GADL1: variants seen among roughly 807,000 people sequenced by gnomAD.
GADL1 encodes GAD like acidic amino acid decarboxylase 1.
In GADL1, 71 loss-of-function variants were observed where a neutral mutation model predicts 69.5. The ratio of observed to expected loss-of-function variants is 1.02; its 90% CI spans 0.84 to 1.25. GADL1 has a LOEUF of 1.25. Ranked by LOEUF, GADL1 falls within the 50% of genes most tolerant of loss-of-function variation. The pLI, the probability that GADL1 is intolerant of heterozygous loss-of-function variation, is 0.00. For missense variants in GADL1, 737 were observed against 631.8 expected (o/e 1.17, Z -1.79); for synonymous variants, 254 against 214.4 (o/e 1.18, Z -1.62).
intron 12 of GADL1, chr3:30,799,154 T>G (rs974794978): frequency 6.6e-6 from 1 of 152,206 alleles, no homozygotes; most frequent in African/African-American, 2.4e-5. Context: ...GGACTCTGTG[T>G]GGGGGCTCTG....
chr3:30,783,666 C>G (rs908243442), intron 13 of GADL1, among the ~76,000 whole-genome samples: 3 of 152,068 alleles, frequency 2.0e-5, no homozygotes, highest in African/African-American at 7.2e-5. Context: ...GCGGCAAATG[C>G]AGATCACATA....
intron 11 of GADL1, among the ~76,000 whole-genome samples, chr3:30,812,208 G>A (rs1160828527): frequency 6.6e-6 from 1 of 152,014 alleles, no homozygotes; most frequent in Non-Finnish European, 1.5e-5. Flanking sequence ...ATCAGTGGAA[G>A]GAAAAAAAGA....
intron 12 of GADL1, among the ~76,000 whole-genome samples, chr3:30,793,121 A>G (rs1016477480): frequency 1.3e-5 from 2 of 152,144 alleles, no homozygotes; most frequent in African/African-American, 4.8e-5. Context: ...GACACATTTA[A>G]CCATGGAACT....
intron 14 of GADL1, among the ~76,000 whole-genome samples, chr3:30,741,041 T>C (rs1321483170): frequency 1.5e-4 from 18 of 116,592 alleles, no homozygotes; most frequent in Admixed American, 1.4e-3. Context: ...ATAATATATA[T>C]TTGATATATC....
chr3:30,820,288 A>G (rs1697548623), intron 11 of GADL1, among the ~76,000 whole-genome samples: 1 of 152,058 alleles, frequency 6.6e-6, no homozygotes, highest in African/African-American at 2.4e-5. Flanking sequence ...TAAAGAATGT[A>G]TAACTTAGGG....
chr3:30,750,618 G>A (rs919896683), intron 14 of GADL1, among the ~76,000 whole-genome samples: 4 of 147,952 alleles, frequency 2.7e-5, no homozygotes, highest in African/African-American at 5.0e-5. Flanking sequence ...AAAAATTTCC[G>A]TCTATCCCTT....
chr3:30,729,905 A>C (rs113585270), intron 14 of GADL1, among the ~76,000 whole-genome samples: 3 of 152,332 alleles, frequency 2.0e-5, no homozygotes, highest in African/African-American at 7.2e-5. Flanking sequence ...TTCTAGCAAA[A>C]AACTGGAAGT....
intron 1 of GADL1, among the ~76,000 whole-genome samples, chr3:30,865,156 A>G (rs1328255204): frequency 5.9e-5 from 9 of 151,938 alleles, no homozygotes; most frequent in Middle Eastern, 3.4e-3. Flanking sequence ...CTTTCCTTAA[A>G]CATCAGTTTC....
At chr3:30,753,260 A>G (rs1404321116) in intron 14 of GADL1, among the ~76,000 whole-genome samples, 1 of 152,166 alleles carries the variant, frequency 6.6e-6, no homozygotes, top group Non-Finnish European at 1.5e-5. Context: ...TCTACGTTAC[A>G]TGATCTATAC....
At chr3:30,796,736 C>G (rs1697040541) in intron 12 of GADL1, among the ~76,000 whole-genome samples, 1 of 152,118 alleles carries the variant, frequency 6.6e-6, no homozygotes, top group Non-Finnish European at 1.5e-5. Context: ...TAGACCAAGC[C>G]TTCTGAAAGT....
chr3:30,801,049 G>A lies in GADL1; in HGVS notation c.1090C>T (p.Leu364Phe), dbSNP rs752953107. 6 of 1,613,916 alleles carry A rather than the reference G, an allele frequency of 3.7e-6. No individual in the cohort carries two copies. The highest frequency in any genetic ancestry group is 3.3e-5 in the South Asian group (3 of 91,076). ...TCATAGAATTTATCCTGCTGGAAGA[G>A]GTAAGATGCCTTGGCAGAGTAGCAT... ...KKCYSAKASY[L>F]FQQDKFYDVS... is the part of the protein sequence containing the mutation. Residue 364 changes from leucine (L) to phenylalanine (F), a missense_variant, in exon 12 of 15, where the codon CTC becomes TTC. Leu to Phe is a conservative substitution (Grantham distance 22, BLOSUM62 0). Transcript: ENST00000282538.
chr3:30,783,904 C>T (rs182408231), intron 13 of GADL1, among the ~76,000 whole-genome samples: 76 of 152,224 alleles, frequency 5.0e-4, no homozygotes, highest in African/African-American at 1.7e-3. Context: ...ACTTTTTAAT[C>T]GGCCCATCTT....
rs148768763 is a variant in GADL1 at position 30,833,882 on chromosome 3, A to G, written c.1021T>C (p.Cys341Arg). The G allele has an allele frequency of 4.2e-4, 677 of 1,612,710 alleles. 1 individual carries two copies. The highest frequency in any genetic ancestry group is 5.6e-4 in the Non-Finnish European group (661 of 1,179,212). Residue 341 changes from cysteine to arginine, a missense_variant, in exon 11 of 15, where the codon TGC becomes CGC. By Grantham distance (180) the Cys-to-Arg change is radical. Transcript: ENST00000282538. ...TTGTCTTTCACAAGGAGAGCACAGC[A>G]CTGGATCCCAGCCATCAGCATCTTG... is the stretch of plus-strand genomic sequence containing the variant. ...PHKMLMAGIQ[C>R]CALLVKDKSD...
chr3:30,863,075 TCA>T (rs1307583890), intron 1 of GADL1, among the ~76,000 whole-genome samples: 4 of 150,770 alleles, frequency 2.7e-5, no homozygotes, highest in African/African-American at 9.8e-5. Flanking sequence ...ACTCACACAC[TCA>T]CTCTCTCTCT....
intron 13 of GADL1, among the ~76,000 whole-genome samples, chr3:30,781,975 G>T (rs1009879199): frequency 4.0e-5 from 6 of 151,806 alleles, no homozygotes; most frequent in Non-Finnish European, 8.8e-5. Flanking sequence ...TCCAGCGAGG[G>T]GTAACCAAGC....
At chr3:30,836,037 T>C (rs987534028) in intron 9 of GADL1, among the ~76,000 whole-genome samples, 2 of 152,084 alleles carry the variant, frequency 1.3e-5, no homozygotes, top group African/African-American at 4.8e-5. Context: ...ATATCACATT[T>C]TTCTTGACTT....
intron 14 of GADL1, 44 bp from the exon 15 acceptor site, chr3:30,728,459 CA>C (rs1695404030): frequency 6.6e-7 from 1 of 1,504,102 alleles, no homozygotes; most frequent in Admixed American, 1.7e-5. Context: ...ACCAGAACAT[CA>C]AGGCATTTCA....
intron 14 of GADL1, among the ~76,000 whole-genome samples, chr3:30,765,641 A>G (rs981068152): frequency 8.5e-5 from 13 of 152,178 alleles, no homozygotes; most frequent in African/African-American, 3.1e-4. Flanking sequence ...TCAGCATCTT[A>G]AAACTCTGGG....
At chr3:30,877,183 T>C (rs1698587695) in intron 1 of GADL1, among the ~76,000 whole-genome samples, 1 of 151,896 alleles carries the variant, frequency 6.6e-6, no homozygotes, top group African/African-American at 2.4e-5. Context: ...GCTGATATAG[T>C]AAATAGCAGC....
Sources: gnomAD v4.1 joint callset for allele counts (sites outside exome capture counted in the v4.1 genomes callset) on GRCh38, gnomAD v4.1.1 for gene constraint, MANE v1.5 for transcripts, NCBI Gene and HGNC (gene_info 2026-07-23, HGNC 2026-07-21) for gene names.